The following GNL2 variants were observed in gnomAD, a reference collection of about 807,000 sequenced individuals.
The protein encoded by GNL2 is nucleolar GTP-binding protein 2.
GNL2 carries 51 observed loss-of-function variants against 92.3 expected under a neutral mutation model. The ratio of observed to expected loss-of-function variants is 0.55; its 90% CI spans 0.44 to 0.70. GNL2 has a LOEUF of 0.70. Ranked by LOEUF, GNL2 falls within the 30% of genes least tolerant of loss-of-function variation. The probability of loss-of-function intolerance (pLI) is 0.00; values close to 1 mark genes in which losing one functional copy is unlikely to be tolerated. For synonymous variants in GNL2, 283 were observed against 300.6 expected (o/e 0.94, Z 0.61); for missense variants, 844 against 895.6 (o/e 0.94, Z 0.74).
intron 12 of GNL2, 86 bp downstream of exon 12, chr1:37,574,257 C>A (rs188720818): frequency 2.8e-6 from 2 of 705,356 alleles, no homozygotes; most frequent in Non-Finnish European, 5.0e-6. Context: ...AATGAATACA[C>A]GCTCTATGAA....
intron 10 of GNL2, 123 bp from the exon 11 acceptor site, chr1:37,574,946 AG>A (rs1248616865): frequency 1.9e-5 from 13 of 698,674 alleles, no homozygotes; most frequent in Non-Finnish European, 4.9e-6. Flanking sequence ...GGAGATTGGC[AG>A]GAGCCTGTCT....
chr1:37,583,009 G>A, intron 6 of GNL2, 73 bp from the exon 7 acceptor site: 2 of 1,005,444 alleles, frequency 2.0e-6, no homozygotes, highest in Non-Finnish European at 2.9e-6. Flanking sequence ...AGGGAGTCTG[G>A]GAAAAATAAA....
chr1:37,594,688 T>A (rs1218451370), intron 1 of GNL2, among the ~76,000 whole-genome samples: 1 of 152,190 alleles, frequency 6.6e-6, no homozygotes, highest in Admixed American at 6.5e-5. Context: ...ATTACGGGCA[T>A]CCGCCATCAT....
rs1210137082 is a variant in GNL2 at position 37,569,061 on chromosome 1, G to A, written c.1658C>T (p.Ser553Leu). 3 of 1,614,078 alleles carry A rather than the reference G, an allele frequency of 1.9e-6. No homozygotes were observed. Among genetic ancestry groups the A allele is most frequent in the Non-Finnish European group, 1.7e-6 (2 of 1,180,010 alleles). The part of the protein sequence containing the change: ...SGDDLVPVEV[S>L]DLEEELESFS... ...GCTCTCAAGCTCTTCCTCAAGATCT[G>A]ACACCTCCACAGGAACCAGGTCATC... Residue 553 changes from serine to leucine, a missense_variant, in exon 13 of 16, where the codon TCA becomes TTA. Transcript: ENST00000373062.
chr1:37,595,904 G>A lies in GNL2; in HGVS notation c.-82C>T, dbSNP rs183321878. On this transcript the variant is annotated 5_prime_UTR_variant, in exon 1 of 16. Transcript: ENST00000373062. The stretch of plus-strand genomic sequence containing the variant: ...TTTTATGTTCCCAAGCCCGGCCGAA[G>A]ACACCCGCCTGAACCACGCCGGACC... 7.2e-5 allele frequency: 87 copies of A among 1,209,572 alleles called. No individual in the cohort carries two copies. The Admixed American group carries it at 8.4e-4, about 12-fold the overall frequency. The allele number at this position is 1,209,572 out of a possible 1,614,324, so 74.9% of individuals were successfully genotyped here.
chr1:37,584,477 AG>A (rs200943221), intron 5 of GNL2, among the ~76,000 whole-genome samples: 29,489 of 134,384 alleles, frequency 0.22, 3,437 homozygotes, highest in East Asian at 0.31. Flanking sequence ...AAAAAAAAAA[AG>A]AAGAAGAAAA....
intron 12 of GNL2, among the ~76,000 whole-genome samples, chr1:37,571,786 A>G (rs550847107): frequency 1.3e-4 from 20 of 152,152 alleles, no homozygotes; most frequent in Non-Finnish European, 1.0e-4. Context: ...ACTTATCTAC[A>G]CTTACTGACT....
At chr1:37,576,302 T>G (rs1180643771) in intron 9 of GNL2, 126 bp downstream of exon 9, 5 of 822,756 alleles carry the variant, frequency 6.1e-6, no homozygotes, top group Non-Finnish European at 9.7e-6. Flanking sequence ...AACTATTATA[T>G]GGTGAGCTAA....
At chr1:37,569,402 C>G in intron 12 of GNL2, 100 bp from the exon 13 acceptor site, 1 of 773,506 alleles carries the variant, frequency 1.3e-6, no homozygotes, top group African/African-American at 1.7e-5. Context: ...CTTCTCAGGA[C>G]TAAGGGAAGG....
At chr1:37,576,645 A>C in intron 8 of GNL2, 89 bp from the exon 9 acceptor site, 2 of 1,313,174 alleles carry the variant, frequency 1.5e-6, no homozygotes, top group Non-Finnish European at 2.1e-6. Flanking sequence ...AATATCAAGA[A>C]TACAGTGCAA....
chr1:37,588,443 C>G (rs2148142311), intron 4 of GNL2, among the ~76,000 whole-genome samples: 1 of 152,276 alleles, frequency 6.6e-6, no homozygotes, highest in East Asian at 1.9e-4. Flanking sequence ...CTCAGATGCC[C>G]TAACCCACAA....
chr1:37,593,121 C>T (rs776075735), intron 2 of GNL2, among the ~76,000 whole-genome samples: 4 of 151,736 alleles, frequency 2.6e-5, no homozygotes, highest in Non-Finnish European at 5.9e-5. Flanking sequence ...GGTAATTATT[C>T]AAAGGCTGGT....
At chr1:37,573,086 T>G (rs1169883468) in intron 12 of GNL2, among the ~76,000 whole-genome samples, 1 of 152,178 alleles carries the variant, frequency 6.6e-6, no homozygotes, top group Non-Finnish European at 1.5e-5. Context: ...AATATGGGAT[T>G]GCTGGGTGAA....
chr1:37,582,747 T>C (rs1260394473), intron 7 of GNL2, 31 bp downstream of exon 7: 2 of 1,561,344 alleles, frequency 1.3e-6, no homozygotes, highest in Non-Finnish European at 8.8e-7. Context: ...GATGTCTTAA[T>C]AGTCTATTCT....
chr1:37,593,009 G>A (rs555753593), intron 2 of GNL2, among the ~76,000 whole-genome samples: 3 of 152,216 alleles, frequency 2.0e-5, no homozygotes, highest in South Asian at 4.1e-4. Context: ...AACAGAGCAC[G>A]TAATGATTTC....
chr1:37,569,998 G>T (rs376178226), intron 12 of GNL2: 1 of 152,176 alleles, frequency 6.6e-6, no homozygotes, highest in Admixed American at 6.5e-5. Flanking sequence ...TTCACCTTCC[G>T]CCATGATTGT....
chr1:37,583,727 T>G, intron 6 of GNL2, 140 bp downstream of exon 6: 1 of 576,036 alleles, frequency 1.7e-6, no homozygotes, highest in Non-Finnish European at 3.1e-6. Flanking sequence ...CCGAGTTTCT[T>G]TGTAGGAGGA....
intron 14 of GNL2, 111 bp downstream of exon 14, chr1:37,568,164 T>TA: frequency 1.5e-6 from 1 of 680,630 alleles, no homozygotes; most frequent in Non-Finnish European, 2.6e-6. Context: ...ATCTGCCAGA[T>TA]ATGACAAACA....
At chr1:37,583,140 A>C (rs1643799155) in intron 6 of GNL2, 1 of 382,520 alleles carries the variant, frequency 2.6e-6, no homozygotes, top group Admixed American at 4.3e-5. Context: ...AAACCTGCTG[A>C]ATTTAAAACA....
Sources: allele counts gnomAD v4.1 joint callset (sites outside exome capture counted in the v4.1 genomes callset), GRCh38; gene constraint gnomAD v4.1.1; transcripts MANE v1.5; gene names NCBI Gene and HGNC (gene_info 2026-07-23, HGNC 2026-07-21).